NDST3: variants seen among roughly 807,000 people sequenced by gnomAD.
NDST3 encodes the protein bifunctional heparan sulfate N-deacetylase/N-sulfotransferase 3.
NDST3 carries 58 observed loss-of-function variants against 96.1 expected under a neutral mutation model. That is an observed-to-expected ratio of 0.60 (90% confidence interval 0.49 to 0.75). The LOEUF is 0.75. Ranked by LOEUF, NDST3 falls within the 30% of genes least tolerant of loss-of-function variation. NDST3 has a pLI of 0.00. For synonymous variants in NDST3, 333 were observed against 359.7 expected (o/e 0.93, Z 0.84); for missense variants, 788 against 1,034.2 (o/e 0.76, Z 3.27).
At chr4:118,115,260 G>A (rs1730993743) in intron 4 of NDST3, among the ~76,000 whole-genome samples, 1 of 152,138 alleles carries the variant, frequency 6.6e-6, no homozygotes, top group Non-Finnish European at 1.5e-5. Context: ...CTGCTGCACT[G>A]AGAAGGCAGA....
chr4:118,038,543 C>T (rs547579698), intron 1 of NDST3, among the ~76,000 whole-genome samples: 69 of 152,316 alleles, frequency 4.5e-4, no homozygotes, highest in African/African-American at 1.5e-3. Flanking sequence ...CAGCTTCTTA[C>T]TTGCCTACCA....
At chr4:118,059,380 G>A (rs1221699967) in intron 2 of NDST3, among the ~76,000 whole-genome samples, 1 of 152,052 alleles carries the variant, frequency 6.6e-6, no homozygotes, top group African/African-American at 2.4e-5. Context: ...CAGAAGAAAG[G>A]GAAGTTCTTA....
chr4:118,071,608 C>T (rs572687802), intron 2 of NDST3, among the ~76,000 whole-genome samples: 1 of 152,146 alleles, frequency 6.6e-6, no homozygotes, highest in Admixed American at 6.6e-5. Flanking sequence ...AGTTCTTTTT[C>T]ATGGCTGCAT....
intron 2 of NDST3, among the ~76,000 whole-genome samples, chr4:118,058,374 CACAGAAGAAACTGTG>C (rs1328331984): frequency 7.1e-6 from 1 of 140,096 alleles, no homozygotes; most frequent in East Asian, 2.0e-4. Flanking sequence ...TCCTCAAAGC[CACAGAAGAAACTGTG>C]ACATGGCACA....
At chr4:118,156,077 T>C (rs1258803206) in intron 6 of NDST3, among the ~76,000 whole-genome samples, 1 of 152,158 alleles carries the variant, frequency 6.6e-6, no homozygotes, top group East Asian at 1.9e-4. Context: ...GACAGAAAAT[T>C]TCTTCACTTG....
chr4:118,173,310 C>T (rs11947071), intron 6 of NDST3, among the ~76,000 whole-genome samples: 128,402 of 152,018 alleles, frequency 0.84, 55,495 homozygotes, highest in South Asian at 0.95. Flanking sequence ...AAGAAACAAG[C>T]CCACATTCTT....
chr4:118,227,698 G>A (rs932582234), intron 8 of NDST3, among the ~76,000 whole-genome samples: 10 of 140,744 alleles, frequency 7.1e-5, no homozygotes, highest in African/African-American at 2.4e-4. Flanking sequence ...TGCAAACTCC[G>A]CCTCCCGGGT....
intron 1 of NDST3, among the ~76,000 whole-genome samples, chr4:118,047,390 A>C (rs1048429292): frequency 3.9e-5 from 6 of 152,232 alleles, no homozygotes; most frequent in African/African-American, 1.2e-4. Flanking sequence ...GCTCCCCAGC[A>C]GTGGTTCTCA....
Position 118,035,439 on chromosome 4 carries a change from G to T in NDST3, c.-156+847G>T, listed in dbSNP as rs13144249. Reference sequence around the variant, plus strand: ...GATCTGGGACACACACTTTTTTTTTGTTTTTTTTTTTTGCCCTTAGAAAAT... The same window carrying T: ...GATCTGGGACACACACTTTTTTTTTTTTTTTTTTTTTTGCCCTTAGAAAAT... On this transcript the variant is annotated intron_variant, in intron 1 of 13. Coordinates refer to ENST00000296499, the MANE Select transcript of NDST3 (RefSeq NM_004784.3). 1.5e-4 allele frequency among the ~76,000 whole-genome samples: 21 copies of T among 137,840 alleles called. 2 individuals carry two copies. Among genetic ancestry groups the T allele is most frequent in the East Asian group, 1.0e-3 (5 of 4,778 alleles). The allele number at this position is 137,840 out of a possible 152,430, so 90.4% of individuals were successfully genotyped here. A position where few individuals can be genotyped will look rare whatever the true frequency, so the allele number is the denominator to read the frequency against.
chr4:118,160,766 T>G (rs554149137), intron 6 of NDST3, among the ~76,000 whole-genome samples: 20 of 152,320 alleles, frequency 1.3e-4, no homozygotes, highest in African/African-American at 4.8e-4. Context: ...TAGTTATACA[T>G]TCGTCTAAAT....
At chr4:118,118,433 T>C (rs1731288379) in intron 4 of NDST3, among the ~76,000 whole-genome samples, 1 of 152,228 alleles carries the variant, frequency 6.6e-6, no homozygotes, top group East Asian at 1.9e-4. Context: ...AACTTTTGGG[T>C]TTCGGCCTTT....
intron 8 of NDST3, among the ~76,000 whole-genome samples, chr4:118,231,330 C>A (rs1740276103): frequency 9.9e-6 from 1 of 100,654 alleles, no homozygotes; most frequent in Admixed American, 1.4e-4. Context: ...AGCAAGACTC[C>A]ATCTAAAAAA....
chr4:118,119,863 C>T (rs1460289775), intron 4 of NDST3, among the ~76,000 whole-genome samples: 1 of 152,102 alleles, frequency 6.6e-6, no homozygotes, highest in Admixed American at 6.5e-5. Context: ...TCTCCAGCAC[C>T]GATCTCCAGC....
intron 6 of NDST3, among the ~76,000 whole-genome samples, chr4:118,157,885 A>G (rs1734820735): frequency 6.6e-6 from 1 of 152,228 alleles, no homozygotes. Flanking sequence ...AATTAAAATA[A>G]TTTTGAGTAC....
At chr4:118,146,988 C>T (rs1733997430) in intron 6 of NDST3, among the ~76,000 whole-genome samples, 1 of 152,160 alleles carries the variant, frequency 6.6e-6, no homozygotes, top group South Asian at 2.1e-4. Context: ...CTTGTACTCT[C>T]TGGGACAATA....
chr4:118,131,607 T>C (rs895911292), intron 4 of NDST3, among the ~76,000 whole-genome samples: 3 of 152,182 alleles, frequency 2.0e-5, no homozygotes, highest in Admixed American at 6.5e-5. Context: ...TGATGCCTTA[T>C]TTAGTTCATT....
chr4:118,097,535 T>C (rs907100680), intron 2 of NDST3, among the ~76,000 whole-genome samples: 1 of 151,982 alleles, frequency 6.6e-6, no homozygotes, highest in African/African-American at 2.4e-5. Flanking sequence ...ACCCAGGGTA[T>C]GTTGCCTTTG....
At chr4:118,234,498 A>T (rs1560736019) in intron 9 of NDST3, among the ~76,000 whole-genome samples, 2 of 152,156 alleles carry the variant, frequency 1.3e-5, no homozygotes, top group African/African-American at 4.8e-5. Context: ...ATAATTATAG[A>T]ATAAAATGAT....
At chr4:118,138,268 C>A in intron 5 of NDST3, 29 bp downstream of exon 5, 1 of 1,544,470 alleles carries the variant, frequency 6.5e-7, no homozygotes, top group Non-Finnish European at 8.8e-7. Flanking sequence ...GCATAGGGTA[C>A]AACTAATTCT....
Sources: gnomAD v4.1 joint callset for allele counts (sites outside exome capture counted in the v4.1 genomes callset) on GRCh38, gnomAD v4.1.1 for gene constraint, MANE v1.5 for transcripts, NCBI Gene and HGNC (gene_info 2026-07-23, HGNC 2026-07-21) for gene names.